The following EPC2 variants were observed in gnomAD, a reference collection of about 807,000 sequenced individuals.
EPC2 encodes enhancer of polycomb 2, also known as enhancer of polycomb homolog 2.
In EPC2, 14 loss-of-function variants were observed where a neutral mutation model predicts 92.1. The observed-to-expected ratio is 0.15, with a 90% CI of 0.10 to 0.24. EPC2 has a LOEUF of 0.24. Ranked by LOEUF, EPC2 falls within the 10% of genes least tolerant of loss-of-function variation. The pLI, the probability that EPC2 is intolerant of heterozygous loss-of-function variation, is 1.00. For synonymous variants in EPC2, 340 were observed against 334.7 expected, an observed-to-expected ratio of 1.02 and a Z score of -0.17; for missense variants, 755 against 971.5, an observed-to-expected ratio of 0.78 and a Z score of 2.96.
intron 1 of EPC2, among the ~76,000 whole-genome samples, chr2:148,688,998 TAG>T (rs1681587680): frequency 6.6e-6 from 1 of 152,046 alleles, no homozygotes; most frequent in Non-Finnish European, 1.5e-5. Flanking sequence ...AGTACTCTTT[TAG>T]ATTAGAAAAA....
chr2:148,725,406 T>C (rs986752250), intron 2 of EPC2, among the ~76,000 whole-genome samples: 5 of 152,140 alleles, frequency 3.3e-5, no homozygotes, highest in African/African-American at 1.2e-4. Context: ...ACCCTCATTA[T>C]TTTCATTCAG....
At chr2:148,746,822 TAC>T (rs34536465) in intron 3 of EPC2, among the ~76,000 whole-genome samples, 2 of 151,302 alleles carry the variant, frequency 1.3e-5, no homozygotes, top group Admixed American at 6.6e-5. Context: ...AAAAATTGTA[TAC>T]ACACACACAC....
intron 2 of EPC2, among the ~76,000 whole-genome samples, chr2:148,707,309 A>G (rs1010683904): frequency 1.3e-5 from 2 of 152,342 alleles, no homozygotes; most frequent in African/African-American, 4.8e-5. Context: ...TATCCTAAAT[A>G]TAAATGCACC....
At chr2:148,712,938 G>A (rs1340755255) in intron 2 of EPC2, among the ~76,000 whole-genome samples, 1 of 151,020 alleles carries the variant, frequency 6.6e-6, no homozygotes, top group Middle Eastern at 3.4e-3. Context: ...GGCTCACACC[G>A]GTAATCACTT....
At chr2:148,680,803 T>C (rs956468853) in intron 1 of EPC2, among the ~76,000 whole-genome samples, 3 of 152,210 alleles carry the variant, frequency 2.0e-5, no homozygotes, top group Admixed American at 6.5e-5. Flanking sequence ...TGAGAAGATA[T>C]GTGTGAACTC....
chr2:148,717,800 TTTAA>T (rs1682288486), intron 2 of EPC2, among the ~76,000 whole-genome samples: 1 of 152,122 alleles, frequency 6.6e-6, no homozygotes, highest in East Asian at 1.9e-4. Context: ...CTGAATATCT[TTTAA>T]TTGTCTTTCT....
At chr2:148,719,738 G>A (rs897670448) in intron 2 of EPC2, among the ~76,000 whole-genome samples, 41 of 152,236 alleles carry the variant, frequency 2.7e-4, no homozygotes, top group African/African-American at 8.4e-4. Context: ...TAAAGCAACA[G>A]TTTGGCCTCT....
Position 148,786,511 on chromosome 2 carries a change from A to C in EPC2, c.*134A>C. The C allele has an allele frequency of 1.7e-6, 1 of 597,508 alleles. No individual in the cohort carries two copies. The highest frequency in any genetic ancestry group is 2.7e-5 in the South Asian group (1 of 37,410). The allele number at this position is 597,508 out of a possible 1,614,324, so 37.0% of individuals were successfully genotyped here. ...ATGGACTATAGTATATTGGATGTTA[A>C]ATCCATATATGATGTATATTTTGTA... is the stretch of plus-strand genomic sequence containing the variant. On this transcript the variant is annotated 3_prime_UTR_variant, in exon 14 of 14. Coordinates refer to ENST00000258484, the MANE Select transcript of EPC2 (RefSeq NM_015630.4).
At position 148,786,424 on chromosome 2, in the gene EPC2, A is replaced by G; in HGVS notation, c.*47A>G. ...CTGTGCTGATGGTGTGCAGTCATTC[A>G]TATTCCAGCTGAATGCAAAAGGCAA... On this transcript the variant is annotated 3_prime_UTR_variant, in exon 14 of 14. Transcript: ENST00000258484. 1 of 1,488,352 alleles carries G rather than the reference A, an allele frequency of 6.7e-7. No homozygotes were observed. The highest frequency in any genetic ancestry group is 1.4e-5 in the African/African-American group (1 of 72,452). 92.2% of individuals were successfully genotyped at this position (1,488,352 alleles called of 1,614,324 possible).
intron 8 of EPC2, 58 bp from the exon 9 acceptor site, chr2:148,770,734 T>C (rs1683499925): frequency 6.5e-7 from 1 of 1,527,810 alleles, no homozygotes; most frequent in African/African-American, 1.4e-5. Flanking sequence ...ATCTAACCTG[T>C]CTTCATTTCA....
intron 2 of EPC2, among the ~76,000 whole-genome samples, chr2:148,693,731 T>A (rs992004035): frequency 6.6e-6 from 1 of 152,160 alleles, no homozygotes; most frequent in Non-Finnish European, 1.5e-5. Flanking sequence ...AATAATGAGA[T>A]CTTTGTAGCT....
intron 2 of EPC2, among the ~76,000 whole-genome samples, chr2:148,697,746 C>T (rs181563040): frequency 6.6e-6 from 1 of 152,260 alleles, no homozygotes; most frequent in African/African-American, 2.4e-5. Flanking sequence ...TAGAAGAACA[C>T]AAAATAAAAG....
At chr2:148,693,751 A>G (rs968653303) in intron 2 of EPC2, among the ~76,000 whole-genome samples, 1 of 152,272 alleles carries the variant, frequency 6.6e-6, no homozygotes, top group Admixed American at 6.5e-5. Context: ...TCTTTGAGTT[A>G]TGCCTTATTT....
chr2:148,735,989 G>C (rs1004506452), intron 2 of EPC2, among the ~76,000 whole-genome samples: 3 of 151,960 alleles, frequency 2.0e-5, no homozygotes, highest in African/African-American at 7.3e-5. Context: ...TGTATTTCAG[G>C]ATCTCTGAAT....
At chr2:148,740,228 CTT>C (rs923664493) in intron 2 of EPC2, among the ~76,000 whole-genome samples, 3 of 140,570 alleles carry the variant, frequency 2.1e-5, no homozygotes, top group Admixed American at 7.1e-5. Flanking sequence ...AGTATGTCCT[CTT>C]TTTTTTTTTT....
At chr2:148,674,900 A>G (rs912060256) in intron 1 of EPC2, among the ~76,000 whole-genome samples, 4 of 152,140 alleles carry the variant, frequency 2.6e-5, no homozygotes, top group Admixed American at 6.5e-5. Flanking sequence ...CTCATCCTCC[A>G]TCTTGCTCCC....
chr2:148,686,936 A>G (rs1227806284), intron 1 of EPC2, among the ~76,000 whole-genome samples: 1 of 152,196 alleles, frequency 6.6e-6, no homozygotes, highest in Non-Finnish European at 1.5e-5. Context: ...GCCCCTAACA[A>G]GAGAATCAGT....
chr2:148,691,506 C>T, intron 2 of EPC2: 1 of 1,549,440 alleles, frequency 6.5e-7, no homozygotes, highest in South Asian at 1.2e-5. Context: ...GACTGCTTTT[C>T]ATTGATTCTG....
chr2:148,699,379 A>G (rs532189684), intron 2 of EPC2, among the ~76,000 whole-genome samples: 65 of 152,310 alleles, frequency 4.3e-4, no homozygotes, highest in African/African-American at 1.6e-3. Context: ...ACATGGATCC[A>G]TGATTACAGT....
Sources: allele counts gnomAD v4.1 joint callset (sites outside exome capture counted in the v4.1 genomes callset), GRCh38; gene constraint gnomAD v4.1.1; transcripts MANE v1.5; gene names NCBI Gene and HGNC (gene_info 2026-07-23, HGNC 2026-07-21).